FRMPD4: variants seen among roughly 807,000 people sequenced by gnomAD.
FRMPD4 encodes the protein FERM and PDZ domain containing 4, also known as FERM and PDZ domain-containing protein 4.
Under a neutral mutation model 94.1 loss-of-function variants are expected in FRMPD4, and 22 were observed. That is an observed-to-expected ratio of 0.23 (90% CI 0.17 to 0.33). The LOEUF is 0.33. Among genes scored for constraint, FRMPD4 ranks in the 10% least tolerant of loss-of-function variants. FRMPD4 has a pLI of 1.00. For missense variants in FRMPD4, 1,111 were observed against 1,339.9 expected (o/e 0.83, Z 2.67); for synonymous variants, 631 against 548.6 (o/e 1.15, Z -2.10).
At chrX:12,132,687 A>G (rs1601960355) in intron 3 of FRMPD4, among the ~76,000 whole-genome samples, 1 of 111,204 alleles carries the variant, frequency 9.0e-6, no homozygotes, top group South Asian at 3.8e-4. Context: ...CACCTAAGAC[A>G]TGTGAAGAAA....
intron 3 of FRMPD4, among the ~76,000 whole-genome samples, chrX:11,957,534 A>G (rs1236337764): frequency 1.8e-5 from 2 of 111,250 alleles, no homozygotes; most frequent in Non-Finnish European, 3.8e-5. Context: ...TCAAAATAAA[A>G]TAAAATAAAA....
chrX:12,561,060 C>T (rs1602133192), intron 2 of FRMPD4, among the ~76,000 whole-genome samples: 1 of 110,380 alleles, frequency 9.1e-6, no homozygotes, highest in East Asian at 2.9e-4. Context: ...TGAGCCACCG[C>T]GCCCGGCCCC....
intron 7 of FRMPD4, among the ~76,000 whole-genome samples, 155 bp downstream of exon 7, chrX:12,686,359 A>G (rs974576887): frequency 8.9e-6 from 1 of 112,162 alleles, no homozygotes; most frequent in African/African-American, 3.2e-5. Context: ...GAATACTTCA[A>G]ACCAAACCAA....
upstream of FRMPD4, among the ~76,000 whole-genome samples, chrX:12,138,285 C>T: frequency 8.9e-6 from 1 of 112,508 alleles, no homozygotes; most frequent in South Asian, 3.7e-4. Context: ...TGCGGTTGCA[C>T]GGCTCTCCTT....
intron 9 of FRMPD4, among the ~76,000 whole-genome samples, chrX:12,700,960 A>G (rs1384172393): frequency 1.8e-5 from 2 of 111,059 alleles, no homozygotes; most frequent in African/African-American, 3.3e-5. Flanking sequence ...TGTGGCTGAT[A>G]AGGAGGAGGA....
Position 11,950,153 on chromosome X carries a change from G to T in FRMPD4, c.95+72135G>T, listed in dbSNP as rs779735532. 2.7e-5 allele frequency among the ~76,000 whole-genome samples: 3 copies of T among 111,335 alleles called. No individual in the cohort carries two copies. In the South Asian group the frequency reaches 1.1e-3, roughly 42 times the overall value. On this transcript the variant is annotated intron_variant, in intron 3 of 18. Transcript: ENST00000640291. Reference sequence around the variant, plus strand: ...GAGTGAGTTCTCAAGAAATCTGATGGTTTTATAACTGTCTGGCATTTTCCC... The same window carrying T: ...GAGTGAGTTCTCAAGAAATCTGATGTTTTTATAACTGTCTGGCATTTTCCC...
chrX:12,015,860 A>C (rs1295579266), intron 3 of FRMPD4, among the ~76,000 whole-genome samples: 2 of 111,944 alleles, frequency 1.8e-5, no homozygotes, highest in Admixed American at 9.5e-5. Context: ...ACAGCCACAC[A>C]CTATGCTGAG....
At chrX:12,242,151 A>G (rs1427203602) in intron 1 of FRMPD4, among the ~76,000 whole-genome samples, 3 of 111,598 alleles carry the variant, frequency 2.7e-5, no homozygotes, top group Admixed American at 1.9e-4. Context: ...CTATATCTAT[A>G]TTTTAAAAAT....
At chrX:12,477,419 C>T (rs764152787) in intron 1 of FRMPD4, among the ~76,000 whole-genome samples, 2 of 112,017 alleles carry the variant, frequency 1.8e-5, no homozygotes, top group African/African-American at 3.2e-5. Context: ...CAAACCTGCA[C>T]GTTGTGCACA....
chrX:11,956,141 G>A (rs2054255972), intron 3 of FRMPD4, among the ~76,000 whole-genome samples: 1 of 111,748 alleles, frequency 8.9e-6, no homozygotes, highest in Non-Finnish European at 1.9e-5. Context: ...AACAAGTTTT[G>A]GAAGATGAAC....
intron 1 of FRMPD4, among the ~76,000 whole-genome samples, chrX:12,402,379 G>C (rs1451369440): frequency 3.6e-5 from 4 of 111,089 alleles, no homozygotes; most frequent in African/African-American, 1.3e-4. Context: ...CCTGAGGTGG[G>C]AATACGCTCC....
intron 3 of FRMPD4, among the ~76,000 whole-genome samples, chrX:11,967,882 G>A (rs1255669177): frequency 9.2e-6 from 1 of 109,022 alleles, no homozygotes; most frequent in Non-Finnish European, 1.9e-5. Context: ...AGATTGGCAG[G>A]AAGCTCCACT....
chrX:11,861,842 CGAGACT>C (rs1210645905), intron 1 of FRMPD4, among the ~76,000 whole-genome samples: 2 of 111,248 alleles, frequency 1.8e-5, no homozygotes, highest in African/African-American at 6.5e-5. Context: ...AAGAAATACC[CGAGACT>C]GGGTAATTTA....
chrX:11,964,743 A>T (rs1438645709), intron 3 of FRMPD4, among the ~76,000 whole-genome samples: 2 of 112,823 alleles, frequency 1.8e-5, no homozygotes, highest in African/African-American at 6.5e-5. Flanking sequence ...GCTAGGACAA[A>T]TTACCACAAA....
intron 2 of FRMPD4, among the ~76,000 whole-genome samples, chrX:12,578,234 A>G (rs749680972): frequency 1.8e-5 from 2 of 112,969 alleles, no homozygotes; most frequent in South Asian, 3.7e-4. Flanking sequence ...GCACTGGGTC[A>G]GAGGATTATG....
At chrX:12,173,099 A>G (rs1317949191) in intron 1 of FRMPD4, among the ~76,000 whole-genome samples, 1 of 112,837 alleles carries the variant, frequency 8.9e-6, no homozygotes, top group Non-Finnish European at 1.9e-5. Flanking sequence ...CTTCGGGCCA[A>G]GCCCAAGCTC....
chrX:12,058,900 GC>G (rs1397382946), intron 3 of FRMPD4, among the ~76,000 whole-genome samples: 2 of 110,821 alleles, frequency 1.8e-5, no homozygotes, highest in African/African-American at 6.6e-5. Flanking sequence ...CCACGCAACA[GC>G]CCCCGTATCA....
At chrX:12,362,484 G>A (rs2056007618) in intron 1 of FRMPD4, among the ~76,000 whole-genome samples, 1 of 111,216 alleles carries the variant, frequency 9.0e-6, no homozygotes, top group African/African-American at 3.3e-5. Context: ...GTGATAGTTT[G>A]CGAGAATGAT....
intron 1 of FRMPD4, among the ~76,000 whole-genome samples, chrX:12,161,779 T>A (rs2056030139): frequency 8.9e-6 from 1 of 111,963 alleles, no homozygotes; most frequent in Admixed American, 9.5e-5. Context: ...TAAGAATAAT[T>A]TGTTTTGTTT....
Sources: allele counts gnomAD v4.1 joint callset (sites outside exome capture counted in the v4.1 genomes callset), GRCh38; gene constraint gnomAD v4.1.1; transcripts MANE v1.5; gene names NCBI Gene and HGNC (gene_info 2026-07-23, HGNC 2026-07-21).